SOX5: variants seen among roughly 807,000 people sequenced by gnomAD.
SOX5 encodes SRY-box transcription factor 5.
A neutral mutation model predicts 92.0 loss-of-function variants in SOX5; 9 were observed. That is an observed-to-expected ratio of 0.10 (90% CI 0.06 to 0.17). The LOEUF is 0.17. Among genes scored for constraint, SOX5 ranks in the 10% least tolerant of loss-of-function variants. The pLI is 1.00. For missense variants in SOX5, 642 were observed against 944.5 expected (o/e 0.68, Z 4.20); for synonymous variants, 344 against 336.3 (o/e 1.02, Z -0.25).
intron 2 of SOX5, among the ~76,000 whole-genome samples, chr12:23,862,932 A>G (rs1389525177): frequency 6.6e-6 from 1 of 152,206 alleles, no homozygotes; most frequent in Non-Finnish European, 1.5e-5. Context: ...GAAGTGAATA[A>G]CAGCTTTGTG....
At chr12:23,841,390 G>A (rs184017061) in intron 3 of SOX5, among the ~76,000 whole-genome samples, 1 of 152,208 alleles carries the variant, frequency 6.6e-6, no homozygotes, top group African/African-American at 2.4e-5. Flanking sequence ...TTGGAAGATA[G>A]TCTGGCAGTT....
At chr12:24,444,626 A>C (rs533021084) in intron 1 of SOX5, among the ~76,000 whole-genome samples, 1 of 152,298 alleles carries the variant, frequency 6.6e-6, no homozygotes, top group African/African-American at 2.4e-5. Flanking sequence ...AGCAGTGCTC[A>C]CAGCTTGGCC....
At chr12:24,345,684 C>T (rs1162123437) in intron 2 of SOX5, among the ~76,000 whole-genome samples, 1 of 152,136 alleles carries the variant, frequency 6.6e-6, no homozygotes, top group East Asian at 1.9e-4. Flanking sequence ...GATGATTGCA[C>T]TTAAGCATTC....
At chr12:23,963,847 C>T (rs12826213) in intron 4 of SOX5, among the ~76,000 whole-genome samples, 72,751 of 149,508 alleles carry the variant, frequency 0.49, 18,771 homozygotes, top group East Asian at 0.77. Flanking sequence ...CTATCTTAAA[C>T]AGGAATTCTG....
chr12:24,258,452 T>C (rs576770842), intron 3 of SOX5, among the ~76,000 whole-genome samples: 4 of 152,332 alleles, frequency 2.6e-5, no homozygotes, highest in Admixed American at 2.0e-4. Flanking sequence ...CATTGGCTAA[T>C]AAAACTAAAT....
At chr12:23,672,294 C>A (rs2084920736) in intron 6 of SOX5, among the ~76,000 whole-genome samples, 1 of 152,148 alleles carries the variant, frequency 6.6e-6, no homozygotes, top group Non-Finnish European at 1.5e-5. Context: ...CAAGCATGCA[C>A]TTGATTCTGA....
intron 1 of SOX5, among the ~76,000 whole-genome samples, chr12:23,912,181 G>A (rs2138436375): frequency 6.6e-6 from 1 of 152,106 alleles, no homozygotes; most frequent in Admixed American, 6.6e-5. Flanking sequence ...TTTTTAAAAT[G>A]AGAAAAGGAT....
intron 9 of SOX5, among the ~76,000 whole-genome samples, chr12:23,580,677 C>T (rs747829657): frequency 4.6e-4 from 70 of 152,084 alleles, no homozygotes; most frequent in East Asian, 1.4e-3. Flanking sequence ...GGATAGAATG[C>T]AAAGTAAGTA....
At chr12:23,932,559 G>A (rs1166150139) in intron 1 of SOX5, among the ~76,000 whole-genome samples, 1 of 151,588 alleles carries the variant, frequency 6.6e-6, no homozygotes, top group Non-Finnish European at 1.5e-5. Context: ...TTACTTTCAA[G>A]TGAATCAGAA....
At chr12:23,985,219 T>C (rs1336603501) in intron 4 of SOX5, among the ~76,000 whole-genome samples, 20 of 147,010 alleles carry the variant, frequency 1.4e-4, no homozygotes, top group Non-Finnish European at 1.5e-5. Context: ...TAGGTTTTTA[T>C]TGTATTTTTT....
At chr12:23,865,827 C>A (rs1355887807) in intron 2 of SOX5, among the ~76,000 whole-genome samples, 1 of 152,108 alleles carries the variant, frequency 6.6e-6, no homozygotes, top group Non-Finnish European at 1.5e-5. Flanking sequence ...AGGGAGGAGG[C>A]CAAAATTTCA....
At position 23,673,943 on chromosome 12, in the gene SOX5, C is replaced by A. The variant is rs565539975; in HGVS notation, c.811-8379G>T. ...AATTACATCTCAATTTAAAAAAAAA[C>A]CATAGCAAGTAAAAAACAACTTACA... On this transcript the variant is annotated intron_variant, in intron 6 of 14. Coordinates refer to ENST00000451604, the MANE Select transcript of SOX5 (RefSeq NM_006940.6). 6.6e-5 allele frequency among the ~76,000 whole-genome samples: 10 copies of A among 151,748 alleles called. No individual in the cohort carries two copies. In the East Asian group the frequency reaches 1.7e-3, roughly 26 times the overall value.
chr12:23,622,808 T>C (rs2077340083), intron 8 of SOX5, among the ~76,000 whole-genome samples: 1 of 152,152 alleles, frequency 6.6e-6, no homozygotes, highest in African/African-American at 2.4e-5. Context: ...ATCAGAGATA[T>C]GGTATTGTTA....
rs147845483 is a variant in SOX5 at position 23,970,533 on chromosome 12, A to G, written c.-1-74509T>C. 5.4e-3 allele frequency among the ~76,000 whole-genome samples: 825 copies of G among 151,958 alleles called. 12 individuals carry two copies. The highest frequency in any genetic ancestry group is 0.019 in the African/African-American group (793 of 41,446). ...CCTATTATATATACATATTTCATGTAAGTGTAGTCATAGAGTATTTTTCTC... is the reference window on the plus strand; with the variant it reads ...CCTATTATATATACATATTTCATGTGAGTGTAGTCATAGAGTATTTTTCTC... On this transcript the variant is annotated intron_variant, in intron 4 of 4. Transcript: ENST00000446891.
chr12:24,041,640 C>G (rs1462902713), intron 4 of SOX5, among the ~76,000 whole-genome samples: 2 of 152,098 alleles, frequency 1.3e-5, no homozygotes, highest in Non-Finnish European at 2.9e-5. Flanking sequence ...CAAACTGTTT[C>G]CATGATCGAA....
chr12:23,632,199 A>G (rs987913226), intron 8 of SOX5: 2 of 152,138 alleles, frequency 1.3e-5, no homozygotes, highest in African/African-American at 4.8e-5. Context: ...TCTGCCCTCC[A>G]GGCTCAGGGT....
chr12:23,843,344 A>G (rs1202083136), intron 3 of SOX5, among the ~76,000 whole-genome samples: 1 of 152,178 alleles, frequency 6.6e-6, no homozygotes, highest in African/African-American at 2.4e-5. Context: ...TAATGTATCA[A>G]TGTTGGTTCA....
intron 6 of SOX5, among the ~76,000 whole-genome samples, chr12:23,695,118 C>CAAA (rs11464821): frequency 0.051 from 7,107 of 139,400 alleles, 461 homozygotes; most frequent in African/African-American, 0.16. Context: ...AACCTTGTCT[C>CAAA]AAAAAAAAAA....
chr12:24,261,558 C>T (rs906127535), intron 3 of SOX5, among the ~76,000 whole-genome samples: 9 of 152,184 alleles, frequency 5.9e-5, no homozygotes, highest in South Asian at 2.1e-4. Context: ...ACAGCATATG[C>T]TGAATATTGA....
Sources: gnomAD v4.1 joint callset for allele counts (sites outside exome capture counted in the v4.1 genomes callset) on GRCh38, gnomAD v4.1.1 for gene constraint, MANE v1.5 for transcripts, NCBI Gene and HGNC (gene_info 2026-07-23, HGNC 2026-07-21) for gene names.